NHS: variants seen among roughly 807,000 people sequenced by gnomAD.
NHS encodes the protein NHS actin remodeling regulator, also known as actin remodeling regulator NHS.
NHS carries 5 observed loss-of-function variants against 72.5 expected under a neutral mutation model. That is an observed-to-expected ratio of 0.07 (90% confidence interval 0.04 to 0.14). The LOEUF (loss-of-function observed/expected upper bound fraction) is 0.14. NHS is among the 10% of genes least tolerant of loss of function. NHS has a pLI of 1.00. For missense variants in NHS, 1,072 were observed against 1,355.7 expected, an observed-to-expected ratio of 0.79 and a Z score of 3.29; for synonymous variants, 464 against 547.7, an observed-to-expected ratio of 0.85 and a Z score of 2.13.
At chrX:17,526,300 A>G (rs1367819875) in intron 1 of NHS, among the ~76,000 whole-genome samples, 3 of 112,525 alleles carry the variant, frequency 2.7e-5, no homozygotes, top group African/African-American at 9.7e-5. Flanking sequence ...GCATGTGTCC[A>G]CAATCAGTGA....
chrX:17,415,262 C>G (rs2064587183), intron 1 of NHS, among the ~76,000 whole-genome samples: 1 of 111,528 alleles, frequency 9.0e-6, no homozygotes, highest in Admixed American at 9.5e-5. Flanking sequence ...AGAGTAAAAA[C>G]TAGCCAAAAA....
chrX:17,675,986 A>G (rs183849787), intron 1 of NHS, among the ~76,000 whole-genome samples: 4 of 111,319 alleles, frequency 3.6e-5, no homozygotes, highest in Admixed American at 9.5e-5. Flanking sequence ...ATCATCACTT[A>G]TGCTCTCTAA....
intron 1 of NHS, among the ~76,000 whole-genome samples, chrX:17,533,806 C>A (rs1369537331): frequency 8.9e-6 from 1 of 111,813 alleles, no homozygotes; most frequent in Non-Finnish European, 1.9e-5. Context: ...TCATGGCCTG[C>A]ACTATGAGGT....
chrX:17,725,192 A>G (rs745718939), intron 6 of NHS, among the ~76,000 whole-genome samples, 155 bp from the exon 7 acceptor site: 3 of 110,160 alleles, frequency 2.7e-5, no homozygotes, highest in African/African-American at 9.9e-5. Flanking sequence ...AAAGCATTTT[A>G]ACTCTCACCT....
chrX:17,469,448 CA>C (rs1462387356), intron 1 of NHS, among the ~76,000 whole-genome samples: 1 of 111,557 alleles, frequency 9.0e-6, no homozygotes, highest in African/African-American at 3.3e-5. Context: ...GAGGAGGCCC[CA>C]CAGAACATGT....
intron 1 of NHS, among the ~76,000 whole-genome samples, chrX:17,682,424 G>T (rs2066135686): frequency 9.0e-6 from 1 of 111,596 alleles, no homozygotes; most frequent in Admixed American, 9.5e-5. Context: ...GGTTTGTGGA[G>T]GGATGTGTTC....
At chrX:17,531,626 A>G (rs2065199292) in intron 1 of NHS, among the ~76,000 whole-genome samples, 1 of 112,787 alleles carries the variant, frequency 8.9e-6, no homozygotes, top group Non-Finnish European at 1.9e-5. Context: ...CGTAGCCTAC[A>G]ATCCTGAGCA....
intron 2 of NHS, 22 bp from the exon 3 acceptor site, chrX:17,692,313 T>A: frequency 1.7e-6 from 2 of 1,209,984 alleles, no homozygotes; most frequent in Non-Finnish European, 2.2e-6. Flanking sequence ...ATTTCAGTAT[T>A]ACTGCTTTTT....
intron 1 of NHS, among the ~76,000 whole-genome samples, chrX:17,577,238 A>G (rs887536395): frequency 2.7e-5 from 3 of 112,269 alleles, no homozygotes; most frequent in Non-Finnish European, 5.6e-5. Flanking sequence ...ATCAGAATTC[A>G]TGAAAGATAA....
chrX:17,426,272 A>G (rs1054245243), intron 1 of NHS, among the ~76,000 whole-genome samples: 1 of 112,231 alleles, frequency 8.9e-6, no homozygotes, highest in Non-Finnish European at 1.9e-5. Flanking sequence ...CAGCACACCA[A>G]GGAAATTATC....
At chrX:17,400,377 G>A (rs113111948) in intron 1 of NHS, among the ~76,000 whole-genome samples, 39 of 111,640 alleles carry the variant, frequency 3.5e-4, no homozygotes, top group African/African-American at 1.3e-3. Context: ...TACGAGGTCA[G>A]GATTTCGAGA....
At chrX:17,524,641 A>G (rs2065164562) in intron 1 of NHS, among the ~76,000 whole-genome samples, 1 of 111,764 alleles carries the variant, frequency 8.9e-6, no homozygotes, top group Non-Finnish European at 1.9e-5. Flanking sequence ...GGATTTAGGC[A>G]TTTTTCAGTT....
At chrX:17,573,009 C>T (rs946109528) in intron 1 of NHS, among the ~76,000 whole-genome samples, 1 of 112,200 alleles carries the variant, frequency 8.9e-6, no homozygotes, top group Non-Finnish European at 1.9e-5. Context: ...TATCGGCCCC[C>T]ACTCTCTTCT....
intron 1 of NHS, among the ~76,000 whole-genome samples, chrX:17,401,102 G>A: frequency 8.9e-6 from 1 of 111,997 alleles, no homozygotes; most frequent in East Asian, 2.8e-4. Flanking sequence ...ATGATCAGTT[G>A]ATTATCGATA....
intron 1 of NHS, among the ~76,000 whole-genome samples, chrX:17,620,094 T>G (rs1444003263): frequency 8.9e-6 from 1 of 112,181 alleles, no homozygotes; most frequent in African/African-American, 3.2e-5. Context: ...AGCAATAGCC[T>G]TAGGATCATT....
intron 1 of NHS, among the ~76,000 whole-genome samples, chrX:17,650,414 A>G (rs1253656687): frequency 1.8e-5 from 2 of 112,914 alleles, no homozygotes; most frequent in Admixed American, 9.3e-5. Context: ...TCCTTATTTT[A>G]TAGATGAAGA....
chrX:17,451,834 A>G (rs950192703), intron 1 of NHS, among the ~76,000 whole-genome samples: 1 of 112,070 alleles, frequency 8.9e-6, no homozygotes, highest in Admixed American at 9.5e-5. Flanking sequence ...CATATGTTGT[A>G]TGAAAGACCT....
At chrX:17,419,540 T>A (rs892814685) in intron 1 of NHS, among the ~76,000 whole-genome samples, 17 of 111,591 alleles carry the variant, frequency 1.5e-4, no homozygotes, top group Non-Finnish European at 3.0e-4. Context: ...CTGAATTGTG[T>A]CAATTTATGT....
intron 1 of NHS, among the ~76,000 whole-genome samples, chrX:17,554,103 CT>C (rs2146961812): frequency 8.9e-6 from 1 of 112,433 alleles, no homozygotes; most frequent in East Asian, 2.8e-4. Context: ...AGAAGAGTGC[CT>C]TCCCCCAGGG....
Sources: allele counts gnomAD v4.1 joint callset (sites outside exome capture counted in the v4.1 genomes callset), GRCh38; gene constraint gnomAD v4.1.1; transcripts MANE v1.5; gene names NCBI Gene and HGNC (gene_info 2026-07-23, HGNC 2026-07-21).